The following MECOM variants were observed in gnomAD, a reference collection of about 807,000 sequenced individuals.
MECOM encodes MDS1 and EVI1 complex locus, also known as histone-lysine N-methyltransferase MECOM.
Under a neutral mutation model 116.3 loss-of-function variants are expected in MECOM, and 13 were observed. That is an observed-to-expected ratio of 0.11 (90% CI 0.07 to 0.18). The LOEUF is 0.18. MECOM is among the 10% of genes least tolerant of loss of function. The pLI, the probability that MECOM is intolerant of heterozygous loss-of-function variation, is 1.00. For synonymous variants in MECOM, 528 were observed against 535.2 expected (o/e 0.99, Z 0.19); for missense variants, 1,299 against 1,509.0 (o/e 0.86, Z 2.31).
At chr3:169,487,137 G>T (rs566245195) in intron 1 of MECOM, among the ~76,000 whole-genome samples, 1 of 151,514 alleles carries the variant, frequency 6.6e-6, no homozygotes, top group Non-Finnish European at 1.5e-5. Context: ...ACAGACAAAG[G>T]TGAAGAGAAG....
intron 1 of MECOM, among the ~76,000 whole-genome samples, chr3:169,605,668 T>C (rs1768442540): frequency 6.6e-6 from 1 of 152,196 alleles, no homozygotes; most frequent in Non-Finnish European, 1.5e-5. Context: ...GAGGATGCAG[T>C]ACCACTAAGA....
At chr3:169,208,125 G>A (rs1423921112) in intron 2 of MECOM, among the ~76,000 whole-genome samples, 1 of 151,816 alleles carries the variant, frequency 6.6e-6, no homozygotes, top group African/African-American at 2.4e-5. Flanking sequence ...ACGAGTCTGA[G>A]ATTCATGTCT....
chr3:169,205,313 T>C (rs1359114966), intron 2 of MECOM, among the ~76,000 whole-genome samples: 2 of 152,206 alleles, frequency 1.3e-5, no homozygotes, highest in Non-Finnish European at 2.9e-5. Flanking sequence ...CCCTTGAAGA[T>C]ATTAATTTAC....
chr3:169,471,478 A>G (rs940284080), intron 1 of MECOM, among the ~76,000 whole-genome samples: 2 of 152,218 alleles, frequency 1.3e-5, no homozygotes, highest in Non-Finnish European at 2.9e-5. Context: ...TAATCAGATA[A>G]TGGAGAACAC....
chr3:169,166,772 T>C (rs927699491), intron 2 of MECOM, among the ~76,000 whole-genome samples: 2 of 152,180 alleles, frequency 1.3e-5, no homozygotes. Flanking sequence ...TAAATGTACA[T>C]AATTGTGTAA....
chr3:169,368,956 A>G (rs754598182), intron 2 of MECOM, among the ~76,000 whole-genome samples: 3 of 152,028 alleles, frequency 2.0e-5, no homozygotes, highest in African/African-American at 4.8e-5. Context: ...AAATCACCCA[A>G]CATTCCTTTG....
intron 1 of MECOM, among the ~76,000 whole-genome samples, chr3:169,413,344 C>A (rs893646367): frequency 2.0e-5 from 3 of 152,222 alleles, no homozygotes; most frequent in Non-Finnish European, 2.9e-5. Context: ...GCTTTTCCCA[C>A]AGTCTTTGCA....
At chr3:169,089,316 T>C (rs1718905945) in intron 15 of MECOM, 133 bp from the exon 16 acceptor site, 1 of 539,340 alleles carries the variant, frequency 1.9e-6, no homozygotes, top group Non-Finnish European at 2.9e-6. Context: ...CATGCATCAA[T>C]TATTGGGTTT....
intron 1 of MECOM, among the ~76,000 whole-genome samples, chr3:169,409,508 C>T (rs535783565): frequency 6.6e-6 from 1 of 152,310 alleles, no homozygotes; most frequent in African/African-American, 2.4e-5. Context: ...TAGCCCCAAA[C>T]CACAGGTGAG....
chr3:169,133,088 C>G (rs552649892), intron 3 of MECOM, among the ~76,000 whole-genome samples: 43 of 148,540 alleles, frequency 2.9e-4, no homozygotes, highest in Admixed American at 9.3e-4. Flanking sequence ...AGTCCAGATT[C>G]TAAATATCTG....
chr3:169,538,854 G>A (rs1759712624), intron 1 of MECOM, among the ~76,000 whole-genome samples: 1 of 152,054 alleles, frequency 6.6e-6, no homozygotes, highest in African/African-American at 2.4e-5. Flanking sequence ...TTCAAATTTT[G>A]TTCAAAGCAA....
At chr3:169,432,823 AG>A (rs1176025838) in intron 1 of MECOM, among the ~76,000 whole-genome samples, 3 of 152,248 alleles carry the variant, frequency 2.0e-5, no homozygotes, top group African/African-American at 7.2e-5. Context: ...AAAAGGTTAA[AG>A]GCTACAGTAG....
intron 4 of MECOM, among the ~76,000 whole-genome samples, chr3:169,128,563 C>T (rs1225564203): frequency 6.6e-6 from 1 of 152,070 alleles, no homozygotes; most frequent in African/African-American, 2.4e-5. Flanking sequence ...TATGCCAGTG[C>T]CATATTATCT....
At chr3:169,554,693 C>T (rs1291566636) in intron 1 of MECOM, among the ~76,000 whole-genome samples, 4 of 152,188 alleles carry the variant, frequency 2.6e-5, no homozygotes, top group Non-Finnish European at 4.4e-5. Context: ...CTCACAAAAA[C>T]TAAGCCTGTA....
In MECOM at chr3:169,506,504, C is replaced by CATTAAAT. The variant is rs1249751493; in HGVS notation, c.38-124981_38-124980insATTTAAT. Among the ~76,000 whole-genome samples, 3 of 151,088 alleles carry CATTAAAT rather than the reference C, an allele frequency of 2.0e-5. No homozygotes were observed. The East Asian group carries it at 5.9e-4, about 29-fold the overall frequency. On this transcript the variant is annotated intron_variant, in intron 1 of 16. Transcript: ENST00000651503. ...AGAAAGCGCTTTAAAGTATGGAAGGCCCACAGACTGTGCATTTAATTACTG... is the reference window on the plus strand; with the variant it reads ...AGAAAGCGCTTTAAAGTATGGAAGGCATTAAATCCACAGACTGTGCATTTAATTACTG...
At chr3:169,337,025 T>C (rs1723690407) in intron 2 of MECOM, among the ~76,000 whole-genome samples, 2 of 152,178 alleles carry the variant, frequency 1.3e-5, no homozygotes, top group Non-Finnish European at 1.5e-5. Context: ...TTAAGTTTTA[T>C]ATGTAAATTT....
At chr3:169,177,598 A>T (rs1305759426) in intron 2 of MECOM, among the ~76,000 whole-genome samples, 1 of 152,150 alleles carries the variant, frequency 6.6e-6, no homozygotes, top group Non-Finnish European at 1.5e-5. Context: ...AAGTAAAATT[A>T]AAAAATAATA....
chr3:169,293,447 C>T (rs1466836225), intron 2 of MECOM, among the ~76,000 whole-genome samples: 5 of 152,312 alleles, frequency 3.3e-5, no homozygotes, highest in East Asian at 3.9e-4. Flanking sequence ...GTTTCTTCTT[C>T]GGCCGCCTTG....
chr3:169,183,634 A>G (rs762210824), intron 2 of MECOM, among the ~76,000 whole-genome samples: 4 of 152,044 alleles, frequency 2.6e-5, no homozygotes, highest in Non-Finnish European at 5.9e-5. Flanking sequence ...CCTCACAGGC[A>G]CTAAGCTATA....
Sources: allele counts gnomAD v4.1 joint callset (sites outside exome capture counted in the v4.1 genomes callset), GRCh38; gene constraint gnomAD v4.1.1; transcripts MANE v1.5; gene names NCBI Gene and HGNC (gene_info 2026-07-23, HGNC 2026-07-21).